The following PHF21A variants were observed in gnomAD, a reference collection of about 807,000 sequenced individuals.
PHF21A encodes PHD finger protein 21A.
Under a neutral mutation model 82.5 loss-of-function variants are expected in PHF21A, and 11 were observed. The observed-to-expected ratio is 0.13, with a 90% CI of 0.08 to 0.22. The LOEUF (loss-of-function observed/expected upper bound fraction) is 0.22. Ranked by LOEUF, PHF21A falls within the 10% of genes least tolerant of loss-of-function variation. The probability of loss-of-function intolerance (pLI) is 1.00; values close to 1 mark genes in which losing one functional copy is unlikely to be tolerated. For synonymous variants in PHF21A, 297 were observed against 302.8 expected, an observed-to-expected ratio of 0.98 and a Z score of 0.20; for missense variants, 579 against 837.8, an observed-to-expected ratio of 0.69 and a Z score of 3.81.
intron 6 of PHF21A, among the ~76,000 whole-genome samples, chr11:46,054,594 G>A (rs948595975): frequency 1.4e-4 from 22 of 152,192 alleles, no homozygotes; most frequent in Admixed American, 2.6e-4. Context: ...CAGTTTACAC[G>A]TAGATGTGGC....
Position 46,049,459 on chromosome 11 carries a change from G to A in PHF21A, c.153+27295C>T, listed in dbSNP as rs1485706616. ...AGTGTATTCCTGTACAGTGGCATCT[G>A]CAAGCCAAATAGAACTGGTAGAGGG... On this transcript the variant is annotated intron_variant, in intron 6 of 18. Transcript: ENST00000676320. The A allele has an allele frequency of 2.8e-5, 13 of 456,236 alleles. 1 individual carries two copies. Among genetic ancestry groups the A allele is most frequent in the South Asian group, 2.0e-4 (13 of 64,566 alleles). 28.3% of individuals were successfully genotyped at this position (456,236 alleles called of 1,614,324 possible).
At chr11:45,975,811 T>A (rs1469901920) in intron 7 of PHF21A, among the ~76,000 whole-genome samples, 1 of 152,358 alleles carries the variant, frequency 6.6e-6, no homozygotes, top group East Asian at 1.9e-4. Context: ...TCTCTACGCC[T>A]TGGTATATGC....
intron 1 of PHF21A, among the ~76,000 whole-genome samples, chr11:46,101,647 G>C (rs1262516026): frequency 5.3e-5 from 8 of 152,084 alleles, no homozygotes; most frequent in Admixed American, 6.5e-5. Flanking sequence ...CTGATTGACT[G>C]ATTGAGACAG....
At chr11:46,001,318 T>C (rs1248272546) in intron 6 of PHF21A, among the ~76,000 whole-genome samples, 1 of 150,996 alleles carries the variant, frequency 6.6e-6, no homozygotes, top group Non-Finnish European at 1.5e-5. Context: ...TAAGATGTTC[T>C]GTCACCAGGT....
At chr11:45,983,256 G>C (rs1001342681) in intron 6 of PHF21A, among the ~76,000 whole-genome samples, 4 of 152,126 alleles carry the variant, frequency 2.6e-5, no homozygotes, top group Non-Finnish European at 4.4e-5. Flanking sequence ...GCTGGTGGGG[G>C]GACATGATCA....
intron 6 of PHF21A, among the ~76,000 whole-genome samples, chr11:46,020,817 T>G (rs2137819007): frequency 6.6e-6 from 1 of 152,306 alleles, no homozygotes; most frequent in South Asian, 2.1e-4. Context: ...GTCCCCAACT[T>G]ACAATAGTTT....
rs182253464 is a variant in PHF21A, at chr11:46,073,723, T to A, written c.153+3031A>T. On this transcript the variant is annotated intron_variant, in intron 6 of 18. Coordinates refer to ENST00000676320, the MANE Select transcript of PHF21A (RefSeq NM_001352027.3). ...TATTATTTCAGAGCACATTCCTGTATCATTAAAATACTTTCCAAAACCATG... is the reference window on the plus strand; with the variant it reads ...TATTATTTCAGAGCACATTCCTGTAACATTAAAATACTTTCCAAAACCATG... Among the ~76,000 whole-genome samples the A allele has an allele frequency of 3.2e-4, 48 of 152,296 alleles. No individual in the cohort carries two copies. In the East Asian group the frequency reaches 7.5e-3, roughly 24 times the overall value.
At chr11:45,989,388 C>T (rs2094598819) in intron 6 of PHF21A, among the ~76,000 whole-genome samples, 2 of 151,238 alleles carry the variant, frequency 1.3e-5, no homozygotes, top group South Asian at 4.2e-4. Context: ...GACGCGGTGG[C>T]TCATGCCTAT....
intron 6 of PHF21A, among the ~76,000 whole-genome samples, chr11:46,031,846 A>G (rs2095872514): frequency 6.6e-6 from 1 of 152,196 alleles, no homozygotes; most frequent in Non-Finnish European, 1.5e-5. Flanking sequence ...TTCACTCAAG[A>G]GACTATGGAA....
intron 10 of PHF21A, among the ~76,000 whole-genome samples, chr11:45,962,825 G>A (rs573677029): frequency 6.8e-4 from 103 of 151,848 alleles, no homozygotes; most frequent in African/African-American, 2.4e-3. Context: ...CCCGGGAGGC[G>A]GAGCTTGCAG....
At position 45,948,952 on chromosome 11, in the gene PHF21A, A is replaced by T. The variant is rs1380173031; in HGVS notation, c.1228-6T>A. 7 of 1,612,596 alleles carry T rather than the reference A, an allele frequency of 4.3e-6. No homozygotes were observed. Among genetic ancestry groups the T allele is most frequent in the Non-Finnish European group, 5.9e-6 (7 of 1,178,808 alleles). ...GTCACTGCACTCTTCTTACGCTTTG[A>T]GGGTTGAAGGAGGAAAGGTGACTGT... is the stretch of plus-strand genomic sequence containing the variant. On this transcript the variant is annotated splice_polypyrimidine_tract_variant and splice_region_variant and intron_variant, in intron 13 of 18. Coordinates refer to ENST00000676320, the MANE Select transcript of PHF21A (RefSeq NM_001352027.3).
At chr11:46,021,074 A>AGAG (rs1555104644) in intron 6 of PHF21A, among the ~76,000 whole-genome samples, 1 of 151,388 alleles carries the variant, frequency 6.6e-6, no homozygotes, top group Non-Finnish European at 1.5e-5. Flanking sequence ...AAAAAAAAAA[A>AGAG]AGAGAGACAA....
chr11:46,112,302 T>C (rs1190544246), intron 1 of PHF21A, among the ~76,000 whole-genome samples: 1 of 152,126 alleles, frequency 6.6e-6, no homozygotes, highest in East Asian at 1.9e-4. Flanking sequence ...AATTATATTG[T>C]AAAAAGAGAG....
chr11:45,995,249 A>G (rs1249387663), intron 6 of PHF21A, among the ~76,000 whole-genome samples: 2 of 152,318 alleles, frequency 1.3e-5, no homozygotes, highest in East Asian at 3.9e-4. Context: ...CACTTTTGCC[A>G]CTAATCATAG....
intron 6 of PHF21A, among the ~76,000 whole-genome samples, chr11:46,008,547 TTTGA>T (rs1391546420): frequency 6.6e-6 from 1 of 152,160 alleles, no homozygotes; most frequent in Non-Finnish European, 1.5e-5. Flanking sequence ...AAGAGTCTGC[TTTGA>T]TTGGCTGTCA....
chr11:45,953,708 C>G lies in PHF21A; in HGVS notation c.997-83G>C, dbSNP rs575728217. On this transcript the variant is annotated intron_variant, in intron 10 of 18. Transcript: ENST00000676320. ...CAATCAGAAGTTTAATAGTAGTAGTCAAGAAGAAAGAAGACAACATATTCA... is the reference window on the plus strand; with the variant it reads ...CAATCAGAAGTTTAATAGTAGTAGTGAAGAAGAAAGAAGACAACATATTCA... 4 of 802,716 alleles carry G rather than the reference C, an allele frequency of 5.0e-6. No homozygotes were observed. The South Asian group carries it at 6.1e-5, about 12-fold the overall frequency. 49.7% of individuals were successfully genotyped at this position (802,716 alleles called of 1,614,324 possible).
At chr11:45,968,228 A>C (rs143304095) in intron 9 of PHF21A, among the ~76,000 whole-genome samples, 1 of 152,348 alleles carries the variant, frequency 6.6e-6, no homozygotes, top group East Asian at 1.9e-4. Context: ...TTCTCTGCAC[A>C]GAGGCAAGAA....
intron 1 of PHF21A, among the ~76,000 whole-genome samples, chr11:46,108,662 G>C (rs539788194): frequency 6.6e-6 from 1 of 151,202 alleles, no homozygotes; most frequent in Non-Finnish European, 1.5e-5. Flanking sequence ...TACTTTATAC[G>C]TATCTATATT....
intron 15 of PHF21A, among the ~76,000 whole-genome samples, chr11:45,939,577 G>A (rs973242021): frequency 1.3e-5 from 2 of 151,936 alleles, no homozygotes; most frequent in Non-Finnish European, 2.9e-5. Flanking sequence ...TATTCTGGGA[G>A]GCTTTATCCC....
Sources: gnomAD v4.1 joint callset for allele counts (sites outside exome capture counted in the v4.1 genomes callset) on GRCh38, gnomAD v4.1.1 for gene constraint, MANE v1.5 for transcripts, NCBI Gene and HGNC (gene_info 2026-07-23, HGNC 2026-07-21) for gene names.